NDUFS1: variants seen among roughly 807,000 people sequenced by gnomAD.
NDUFS1 encodes NADH-ubiquinone oxidoreductase 75 kDa subunit, mitochondrial.
A neutral mutation model predicts 84.4 loss-of-function variants in NDUFS1; 61 were observed. That is an observed-to-expected ratio of 0.72 (90% CI 0.59 to 0.89). The LOEUF (loss-of-function observed/expected upper bound fraction) is 0.89, where lower values mean the gene tolerates loss of function less well. Among genes scored for constraint, NDUFS1 ranks in the 40% least tolerant of loss-of-function variants. The probability of loss-of-function intolerance (pLI) is 0.00; values close to 1 mark genes in which losing one functional copy is unlikely to be tolerated. For missense variants in NDUFS1, 891 were observed against 890.0 expected (o/e 1.00, Z -0.01); for synonymous variants, 275 against 290.0 (o/e 0.95, Z 0.53).
intron 5 of NDUFS1, 135 bp from the exon 6 acceptor site, chr2:206,147,969 G>A: frequency 1.2e-6 from 1 of 805,712 alleles, no homozygotes; most frequent in Non-Finnish European, 2.1e-6. Flanking sequence ...TCAGGCTGCA[G>A]TGCAGTGGCA....
intron 3 of NDUFS1, 22 bp downstream of exon 3, chr2:206,152,397 A>G: frequency 6.3e-7 from 1 of 1,593,450 alleles, no homozygotes; most frequent in Non-Finnish European, 8.6e-7. Flanking sequence ...ACACACACAA[A>G]ATAGTTAGAA....
Position 206,133,085 on chromosome 2 carries a change from T to C in NDUFS1, c.1413A>G (p.Lys471=). ...PFSQVLKEAK[K]PMVVLGSSAL... Reference sequence around the variant, plus strand: ...CAGAACTGCCTAAAACCACCATTGGTTTTTTAGCTTCCTTTAGGACCTATT... The same window carrying C: ...CAGAACTGCCTAAAACCACCATTGGCTTTTTAGCTTCCTTTAGGACCTATT... Residue 471 remains lysine (K), a synonymous_variant, in exon 14 of 19, where the codon AAA becomes AAG. Coordinates refer to ENST00000233190, the MANE Select transcript of NDUFS1 (RefSeq NM_005006.7). 6.2e-7 allele frequency: 1 copy of C among 1,612,792 alleles called. No individual in the cohort carries two copies. Among genetic ancestry groups the C allele is most frequent in the Non-Finnish European group, 8.5e-7 (1 of 1,179,388 alleles).
rs762268748 is a variant in NDUFS1, at chr2:206,147,837, G to A, written c.339-3C>T. 1.2e-6 allele frequency: 2 copies of A among 1,611,878 alleles called. No homozygotes were observed. The highest frequency in any genetic ancestry group is 1.7e-5 in the Admixed American group (1 of 59,984). On this transcript the variant is annotated splice_polypyrimidine_tract_variant and splice_region_variant and intron_variant, in intron 5 of 18. Coordinates refer to ENST00000233190, the MANE Select transcript of NDUFS1 (RefSeq NM_005006.7). ...ATAAGAACTCCATCACACCTTCCCT[G>A]TATGAAAATTGTAACATATAAAATG...
At chr2:206,157,975 T>C (rs1428648802) in intron 1 of NDUFS1, among the ~76,000 whole-genome samples, 2 of 150,464 alleles carry the variant, frequency 1.3e-5, no homozygotes, top group Non-Finnish European at 3.0e-5. Flanking sequence ...TTTTTTTTTT[T>C]TTTTTTGAGA....
chr2:206,136,728 C>G (rs1032353964), intron 13 of NDUFS1, among the ~76,000 whole-genome samples: 2 of 150,854 alleles, frequency 1.3e-5, no homozygotes, highest in African/African-American at 4.9e-5. Flanking sequence ...GCCACTGCAC[C>G]TGGCCGGAAA....
At chr2:206,144,769 C>G in intron 9 of NDUFS1, 123 bp downstream of exon 9, 1 of 993,012 alleles carries the variant, frequency 1.0e-6, no homozygotes, top group South Asian at 1.6e-5. Flanking sequence ...ATATAAGCAA[C>G]TCAGATTCCA....
intron 1 of NDUFS1, among the ~76,000 whole-genome samples, chr2:206,157,621 C>T (rs1354758901): frequency 1.3e-5 from 2 of 152,152 alleles, no homozygotes; most frequent in African/African-American, 4.8e-5. Flanking sequence ...TTTTTTATCT[C>T]CAATGCAATA....
At chr2:206,137,087 A>G (rs1301899089) in intron 13 of NDUFS1, among the ~76,000 whole-genome samples, 2 of 152,104 alleles carry the variant, frequency 1.3e-5, no homozygotes, top group African/African-American at 4.8e-5. Context: ...CCACCACCAC[A>G]CATATATTCT....
chr2:206,136,202 A>G (rs1341611318), intron 13 of NDUFS1, among the ~76,000 whole-genome samples: 5 of 150,164 alleles, frequency 3.3e-5, no homozygotes, highest in Non-Finnish European at 7.4e-5. Context: ...AGGCCACTAC[A>G]ACCGGCTAAT....
chr2:206,137,890 C>G (rs1425828540), intron 13 of NDUFS1, among the ~76,000 whole-genome samples: 1 of 152,130 alleles, frequency 6.6e-6, no homozygotes, highest in Non-Finnish European at 1.5e-5. Context: ...GATTTCTTTT[C>G]AGATAATTTC....
rs1687818284 is a variant in NDUFS1 at position 206,159,370 on chromosome 2, G to C, written c.-34C>G. On this transcript the variant is annotated 5_prime_UTR_variant, in exon 1 of 19. Coordinates refer to ENST00000233190, the MANE Select transcript of NDUFS1 (RefSeq NM_005006.7). ...TCCCCGGAGCCGCGGAGGCTGTTCT[G>C]CTAAACTGTCTGGACCACGACGACC... 1.7e-6 allele frequency: 1 copy of C among 590,080 alleles called. No homozygotes were observed. The highest frequency in any genetic ancestry group is 3.0e-5 in the Admixed American group (1 of 33,860). The allele number at this position is 590,080 out of a possible 1,614,324, so 36.6% of individuals were successfully genotyped here. A position where few individuals can be genotyped will look rare whatever the true frequency, so the allele number is the denominator to read the frequency against.
chr2:206,152,472 C>G lies in NDUFS1; in HGVS notation c.100G>C (p.Val34Leu), dbSNP rs1559065188. ...ATGACAGACTGACCATCAACAAATACTTCAATCAAGTTGCTTGCTGCTGTG... is the reference window on the plus strand; with the variant it reads ...ATGACAGACTGACCATCAACAAATAGTTCAATCAAGTTGCTTGCTGCTGTG... ...TATAASNLIEVFVDGQSVMVE... is the reference protein window; with the variant it reads ...TATAASNLIELFVDGQSVMVE... The change falls in exon 3 of 19, where the codon GTA becomes CTA. Residue 34 changes from valine (V) to leucine (L), a missense_variant. By Grantham distance (32) the Val-to-Leu change is conservative (BLOSUM62 1). Transcript: ENST00000233190. The G allele has an allele frequency of 1.9e-6, 3 of 1,613,996 alleles. No individual in the cohort carries two copies. Among genetic ancestry groups the G allele is most frequent in the Non-Finnish European group, 2.5e-6 (3 of 1,180,000 alleles).
intron 1 of NDUFS1, among the ~76,000 whole-genome samples, chr2:206,157,464 C>T (rs1430972656): frequency 1.3e-5 from 2 of 152,144 alleles, no homozygotes; most frequent in African/African-American, 4.8e-5. Context: ...ACCAAACAGT[C>T]TTATCACCAA....
chr2:206,147,906 A>T (rs1367652887), intron 5 of NDUFS1, 72 bp from the exon 6 acceptor site: 1 of 1,364,672 alleles, frequency 7.3e-7, no homozygotes, highest in Non-Finnish European at 1.0e-6. Flanking sequence ...TGGCACTCAA[A>T]ATGACCTATA....
chr2:206,137,287 A>G (rs1691754454), intron 13 of NDUFS1, among the ~76,000 whole-genome samples: 1 of 152,128 alleles, frequency 6.6e-6, no homozygotes, highest in East Asian at 1.9e-4. Flanking sequence ...CAGCCTGGCC[A>G]ATATGGTGAA....
intron 4 of NDUFS1, 53 bp downstream of exon 4, chr2:206,149,765 T>C (rs1011798285): frequency 1.6e-5 from 21 of 1,341,566 alleles, no homozygotes; most frequent in Non-Finnish European, 2.0e-5. Context: ...TGCTGCAAGA[T>C]TTAAAGTTTT....
In NDUFS1 at chr2:206,152,658, T is replaced by C. The variant is rs1692416939; in HGVS notation, c.62-148A>G. The C allele has an allele frequency of 4.4e-6, 3 of 685,750 alleles. No individual in the cohort carries two copies. The African/African-American group carries it at 5.4e-5, about 12-fold the overall frequency. The allele number at this position is 685,750 out of a possible 1,614,324, so 42.5% of individuals were successfully genotyped here. ...CTCTGGATGCAAACTTATGGTTGTC[T>C]ACTTTTGATAGCAGAGTAGTTTAAA... On this transcript the variant is annotated intron_variant, in intron 2 of 18. Coordinates refer to ENST00000233190, the MANE Select transcript of NDUFS1 (RefSeq NM_005006.7).
Position 206,152,474 on chromosome 2 carries a change from T to C in NDUFS1, c.98A>G (p.Glu33Gly), listed in dbSNP as rs1398146157. ...TTATAASNLI[E>G]VFVDGQSVMV... Reference sequence around the variant, plus strand: ...GACAGACTGACCATCAACAAATACTTCAATCAAGTTGCTTGCTGCTGTGGC... The same window carrying C: ...GACAGACTGACCATCAACAAATACTCCAATCAAGTTGCTTGCTGCTGTGGC... Residue 33 changes from glutamate (E) to glycine (G), a missense_variant, in exon 3 of 19, where the codon GAA (glutamate) becomes GGA (glycine). Glu to Gly is a moderately conservative substitution (Grantham distance 98). Coordinates refer to ENST00000233190, the MANE Select transcript of NDUFS1 (RefSeq NM_005006.7). 6.2e-7 allele frequency: 1 copy of C among 1,614,182 alleles called. No individual in the cohort carries two copies. The highest frequency in any genetic ancestry group is 1.1e-5 in the South Asian group (1 of 91,090).
chr2:206,127,860 C>T lies in NDUFS1; in HGVS notation c.1821G>A (p.Lys607=). ...CCAAGCCAGGAGGTGTCACTGCTAC[C>T]TTAGTCTGCTGAGCTCTACCCTCAG... The part of the protein sequence containing the change: ...VNTEGRAQQT[K]VAVTPPGLAR... The change falls in exon 16 of 19, where the codon AAG becomes AAA. Residue 607 remains lysine (K), a synonymous_variant. Transcript: ENST00000233190. The T allele has an allele frequency of 6.2e-7, 1 of 1,614,112 alleles. No homozygotes were observed. The highest frequency in any genetic ancestry group is 8.5e-7 in the Non-Finnish European group (1 of 1,180,026).
Sources: allele counts gnomAD v4.1 joint callset (sites outside exome capture counted in the v4.1 genomes callset), GRCh38; gene constraint gnomAD v4.1.1; transcripts MANE v1.5; gene names NCBI Gene and HGNC (gene_info 2026-07-23, HGNC 2026-07-21).